Variants in SH3PXD2B observed in about 807,000 individuals in gnomAD.
The protein encoded by SH3PXD2B is SH3 and PX domain-containing protein 2B.
In SH3PXD2B, 37 loss-of-function variants were observed where a neutral mutation model predicts 73.1. That is an observed-to-expected ratio of 0.51 (90% CI 0.39 to 0.67). The LOEUF (loss-of-function observed/expected upper bound fraction) is 0.67, where lower values mean the gene tolerates loss of function less well. SH3PXD2B is among the 30% of genes least tolerant of loss of function. The pLI, the probability that SH3PXD2B is intolerant of heterozygous loss-of-function variation, is 0.00. For synonymous variants in SH3PXD2B, 457 were observed against 480.5 expected (o/e 0.95, Z 0.64); for missense variants, 1,053 against 1,197.8 (o/e 0.88, Z 1.78).
At chr5:172,443,177 T>C (rs934910520) in intron 1 of SH3PXD2B, among the ~76,000 whole-genome samples, 3 of 152,178 alleles carry the variant, frequency 2.0e-5, no homozygotes, top group Non-Finnish European at 4.4e-5. Context: ...CACCGTAACT[T>C]GGAAATAGTA....
chr5:172,437,527 G>C (rs1013140371), intron 1 of SH3PXD2B, among the ~76,000 whole-genome samples: 2 of 152,154 alleles, frequency 1.3e-5, no homozygotes, highest in African/African-American at 4.8e-5. Context: ...AGCCTCCAAA[G>C]CCTCTTCACT....
At chr5:172,333,427 G>T, downstream of SH3PXD2B, 3 of 940,558 alleles carry the variant, frequency 3.2e-6, no homozygotes, top group Non-Finnish European at 2.6e-6. Flanking sequence ...TCTGTTCTTT[G>T]ATCCCGAAGA....
chr5:172,348,642 C>CT (rs1757056916), intron 10 of SH3PXD2B, among the ~76,000 whole-genome samples: 6 of 67,500 alleles, frequency 8.9e-5, no homozygotes, highest in Admixed American at 1.6e-4. Context: ...ATCTATGTAT[C>CT]TATCTATCTA....
chr5:172,423,545 T>TGGGGTG lies in SH3PXD2B; in HGVS notation c.76-1050_76-1049insCACCCC, dbSNP rs1554141206. Among the ~76,000 whole-genome samples the TGGGGTG allele has an allele frequency of 2.1e-4, 14 of 67,606 alleles. 1 individual carries two copies. The highest frequency in any genetic ancestry group is 7.7e-4 in the African/African-American group (13 of 16,992). 44.4% of individuals were successfully genotyped at this position (67,606 alleles called of 152,430 possible). A position where few individuals can be genotyped will look rare whatever the true frequency, so the allele number is the denominator to read the frequency against. On this transcript the variant is annotated intron_variant, in intron 1 of 12. Transcript: ENST00000311601. ...CAGCTCACCCACTTGGATACGGGGT[T>TGGGGTG]GGGGGGGGGGGCGCACATTCTCTGT...
At chr5:172,404,648 T>C (rs1311382152) in intron 3 of SH3PXD2B, among the ~76,000 whole-genome samples, 1 of 152,216 alleles carries the variant, frequency 6.6e-6, no homozygotes, top group Admixed American at 6.5e-5. Flanking sequence ...TTAGGGTGAT[T>C]GTCAGATTGC....
At chr5:172,436,906 T>A (rs1471893612) in intron 1 of SH3PXD2B, among the ~76,000 whole-genome samples, 3 of 152,190 alleles carry the variant, frequency 2.0e-5, no homozygotes, top group Admixed American at 6.5e-5. Flanking sequence ...GGTTCAGGAC[T>A]ATGTCCGAAG....
chr5:172,333,682 C>A lies in SH3PXD2B; in HGVS notation c.*4687G>T. 7.8e-7 allele frequency: 1 copy of A among 1,289,390 alleles called. No individual in the cohort carries two copies. The highest frequency in any genetic ancestry group is 1.0e-6 in the Non-Finnish European group (1 of 988,860). 79.9% of individuals were successfully genotyped at this position (1,289,390 alleles called of 1,614,324 possible). ...GGAAACAAAAACCACCACCGGAATG[C>A]CAATTTGCCAAGAGGGTAGAGTAAG... is the stretch of plus-strand genomic sequence containing the variant. On this transcript the variant is annotated 3_prime_UTR_variant, in exon 13 of 13. Coordinates refer to ENST00000311601, the MANE Select transcript of SH3PXD2B (RefSeq NM_001017995.3).
At chr5:172,390,776 G>A (rs969108864) in intron 4 of SH3PXD2B, among the ~76,000 whole-genome samples, 1 of 151,384 alleles carries the variant, frequency 6.6e-6, no homozygotes, top group African/African-American at 2.4e-5. Context: ...AACTTTTGAG[G>A]AAACTGCCAA....
intron 1 of SH3PXD2B, among the ~76,000 whole-genome samples, chr5:172,438,939 T>TAA (rs201933616): frequency 0.058 from 8,237 of 142,842 alleles, 300 homozygotes; most frequent in Non-Finnish European, 0.086. Context: ...TTAATGTCAT[T>TAA]AAAAAAAAAA....
intron 1 of SH3PXD2B, among the ~76,000 whole-genome samples, chr5:172,452,264 T>G (rs921515950): frequency 2.0e-5 from 3 of 152,102 alleles, no homozygotes. Flanking sequence ...GAAACTTGTC[T>G]CAGGGGGCCC....
downstream of SH3PXD2B, among the ~76,000 whole-genome samples, chr5:172,329,643 T>C (rs1756518632): frequency 6.7e-6 from 1 of 149,586 alleles, no homozygotes; most frequent in Non-Finnish European, 1.5e-5. Flanking sequence ...GTTCAAGCAA[T>C]TCTCCTGCCT....
chr5:172,379,367 C>G (rs1757893443), intron 5 of SH3PXD2B, among the ~76,000 whole-genome samples: 1 of 151,628 alleles, frequency 6.6e-6, no homozygotes, highest in African/African-American at 2.4e-5. Context: ...TTCTCTCTCT[C>G]TCTCTCTCCC....
chr5:172,341,484 T>G (rs1164325092), intron 12 of SH3PXD2B, among the ~76,000 whole-genome samples: 2 of 152,166 alleles, frequency 1.3e-5, no homozygotes, highest in Non-Finnish European at 2.9e-5. Context: ...TTGCTCCTGC[T>G]CTTGCTATGT....
chr5:172,362,587 A>C, intron 7 of SH3PXD2B, 148 bp downstream of exon 7: 1 of 1,088,510 alleles, frequency 9.2e-7, no homozygotes, highest in Non-Finnish European at 1.4e-6. Context: ...GTGATCAAAC[A>C]GGGGCCTCTT....
chr5:172,453,736 G>T (rs1581352377), intron 1 of SH3PXD2B, among the ~76,000 whole-genome samples: 3 of 152,304 alleles, frequency 2.0e-5, no homozygotes, highest in Admixed American at 2.0e-4. Context: ...CTTTAAAGGC[G>T]TAGCCACTCA....
At chr5:172,385,849 T>C (rs149442293) in intron 4 of SH3PXD2B, among the ~76,000 whole-genome samples, 32 of 152,376 alleles carry the variant, frequency 2.1e-4, no homozygotes, top group Non-Finnish European at 3.8e-4. Flanking sequence ...GCTTTGATGT[T>C]GGCCCATTTC....
rs527496961 is a variant in SH3PXD2B at position 172,438,372 on chromosome 5, C to A, written c.76-15876G>T. Among the ~76,000 whole-genome samples the A allele has an allele frequency of 2.7e-3, 405 of 152,290 alleles. 5 individuals are homozygous for A. The highest frequency in any genetic ancestry group is 1.7e-3 in the Non-Finnish European group (114 of 68,016). On this transcript the variant is annotated intron_variant, in intron 1 of 12. Coordinates refer to ENST00000311601, the MANE Select transcript of SH3PXD2B (RefSeq NM_001017995.3). The stretch of plus-strand genomic sequence containing the variant: ...TACTGCACCCCCACTGCCCTGGGGG[C>A]CCTTGGGGCAGGGCCGGGTTTGTCT...
At chr5:172,333,424 T>C (rs7703908), downstream of SH3PXD2B, 595,840 of 925,536 alleles carry the variant, frequency 0.64, 193,561 homozygotes, top group South Asian at 0.86. Context: ...GTTTCTGTTC[T>C]TTGATCCCGA....
At chr5:172,405,067 T>C (rs1007432595) in intron 3 of SH3PXD2B, among the ~76,000 whole-genome samples, 1 of 152,268 alleles carries the variant, frequency 6.6e-6, no homozygotes, top group African/African-American at 2.4e-5. Flanking sequence ...ATTATTATAC[T>C]TGAAGCAGTA....
Sources: gnomAD v4.1 joint callset for allele counts (sites outside exome capture counted in the v4.1 genomes callset) on GRCh38, gnomAD v4.1.1 for gene constraint, MANE v1.5 for transcripts, NCBI Gene and HGNC (gene_info 2026-07-23, HGNC 2026-07-21) for gene names.